The following DOCK11 variants were observed in gnomAD, a reference collection of about 807,000 sequenced individuals.
The protein encoded by DOCK11 is dedicator of cytokinesis 11.
In DOCK11, 70 loss-of-function variants were observed where a neutral mutation model predicts 169.1. That is an observed-to-expected ratio of 0.41 (90% CI 0.34 to 0.51). The LOEUF (loss-of-function observed/expected upper bound fraction) is 0.51. Among genes scored for constraint, DOCK11 ranks in the 20% least tolerant of loss-of-function variants. The pLI is 0.10. For synonymous variants in DOCK11, 529 were observed against 541.3 expected (o/e 0.98, Z 0.32); for missense variants, 1,166 against 1,538.8 (o/e 0.76, Z 4.05).
At position 118,599,210 on chromosome X, in the gene DOCK11, G is replaced by T. The variant is rs369485553; in HGVS notation, c.2544G>T (p.Glu848Asp). ...IQSGSKEVPG[E>D]LIKYLKCLHA... ...CAGGCTCGAAAGAAGTTCCAGGGGA[G>T]CTCATTAAATATTTAAAGGTAAATG... The change falls in exon 23 of 53, where the codon GAG becomes GAT. Residue 848 changes from glutamate to aspartate, a missense_variant. Coordinates refer to ENST00000276202, the MANE Select transcript of DOCK11 (RefSeq NM_144658.4). 24 of 1,205,159 alleles carry T rather than the reference G, an allele frequency of 2.0e-5. No individual in the cohort carries two copies. In the African/African-American group the frequency reaches 3.3e-4, roughly 17 times the overall value.
intron 24 of DOCK11, among the ~76,000 whole-genome samples, chrX:118,607,399 G>A (rs1288440875): frequency 1.1e-5 from 1 of 92,195 alleles, no homozygotes; most frequent in African/African-American, 4.0e-5. Context: ...ACAAGCATGA[G>A]CCACCGTGCC....
intron 44 of DOCK11, among the ~76,000 whole-genome samples, chrX:118,660,890 C>T (rs1272241093): frequency 9.0e-6 from 1 of 110,901 alleles, no homozygotes; most frequent in African/African-American, 3.3e-5. Context: ...ACTGACTACT[C>T]CCATGTATTT....
At position 118,674,200 on chromosome X, in the gene DOCK11, G is replaced by A. The variant is rs770402792; in HGVS notation, c.5200-1736G>A. ...GAATCTCACTCTGTCATCGAGGTTGGAGTACAATGGCATGATCTCAGCTCA... is the reference window on the plus strand; with the variant it reads ...GAATCTCACTCTGTCATCGAGGTTGAAGTACAATGGCATGATCTCAGCTCA... On this transcript the variant is annotated intron_variant, in intron 46 of 52. Coordinates refer to ENST00000276202, the MANE Select transcript of DOCK11 (RefSeq NM_144658.4). 1.5e-4 allele frequency among the ~76,000 whole-genome samples: 17 copies of A among 111,218 alleles called. No homozygotes were observed. The East Asian group carries it at 4.8e-3, about 31-fold the overall frequency.
intron 35 of DOCK11, among the ~76,000 whole-genome samples, chrX:118,632,186 C>G (rs1221574816): frequency 9.0e-6 from 1 of 111,604 alleles, no homozygotes; most frequent in African/African-American, 3.3e-5. Flanking sequence ...ATCTCCTGAC[C>G]TCGTGATCCG....
chrX:118,578,427 T>C (rs1011341375), intron 12 of DOCK11, 98 bp from the exon 13 acceptor site: 235 of 961,127 alleles, frequency 2.4e-4, no homozygotes, highest in Admixed American at 2.7e-4. Context: ...CATGATCCTT[T>C]GTTGAATATG....
intron 1 of DOCK11, among the ~76,000 whole-genome samples, chrX:118,496,912 C>T (rs1292938177): frequency 9.0e-6 from 1 of 111,216 alleles, no homozygotes; most frequent in African/African-American, 3.3e-5. Flanking sequence ...TTCGAAAGCG[C>T]GCTGACTCCC....
intron 23 of DOCK11, among the ~76,000 whole-genome samples, chrX:118,604,001 G>A (rs139024304): frequency 8.9e-6 from 1 of 112,042 alleles, no homozygotes; most frequent in East Asian, 2.8e-4. Context: ...CTCAATCTTC[G>A]CACTATTGAC....
At chrX:118,565,299 T>C (rs1204803585) in intron 7 of DOCK11, among the ~76,000 whole-genome samples, 2 of 111,802 alleles carry the variant, frequency 1.8e-5, no homozygotes, top group Non-Finnish European at 3.8e-5. Flanking sequence ...GTACATGTGA[T>C]AGTTTGATAC....
At chrX:118,543,620 G>T (rs773374937) in intron 4 of DOCK11, 27 bp downstream of exon 4, 7 of 1,138,100 alleles carry the variant, frequency 6.2e-6, no homozygotes, top group Non-Finnish European at 8.4e-6. Flanking sequence ...AGGGAAACAT[G>T]CAACAGGAGA....
chrX:118,592,140 A>T (rs1435972509), intron 19 of DOCK11, among the ~76,000 whole-genome samples: 1 of 110,305 alleles, frequency 9.1e-6, no homozygotes, highest in Non-Finnish European at 1.9e-5. Context: ...TCCTTTGGGT[A>T]TATACCCAGT....
At chrX:118,557,434 G>A (rs34725834) in intron 6 of DOCK11, among the ~76,000 whole-genome samples, 7,039 of 110,933 alleles carry the variant, frequency 0.063, 242 homozygotes, top group East Asian at 0.12. Context: ...TTGAGTAACA[G>A]CAGATAAGCC....
chrX:118,608,882 G>A (rs533911935), intron 26 of DOCK11, among the ~76,000 whole-genome samples: 15 of 111,509 alleles, frequency 1.3e-4, no homozygotes, highest in African/African-American at 3.6e-4. Flanking sequence ...TAGGCTGCAC[G>A]AATGTCACAT....
At chrX:118,646,691 A>G (rs2015680292) in intron 40 of DOCK11, among the ~76,000 whole-genome samples, 1 of 111,764 alleles carries the variant, frequency 8.9e-6, no homozygotes, top group Non-Finnish European at 1.9e-5. Context: ...GTTTATTTTC[A>G]TACCAGAGTA....
At chrX:118,598,495 C>G (rs910503491) in intron 22 of DOCK11, among the ~76,000 whole-genome samples, 1 of 111,218 alleles carries the variant, frequency 9.0e-6, no homozygotes, top group African/African-American at 3.3e-5. Flanking sequence ...TCACAGAACT[C>G]TGAAAGGAAT....
intron 45 of DOCK11, among the ~76,000 whole-genome samples, chrX:118,669,488 A>G (rs1569446195): frequency 2.7e-5 from 3 of 111,839 alleles, no homozygotes; most frequent in African/African-American, 6.5e-5. Flanking sequence ...TTCCTAGTTC[A>G]TAGATGGTAT....
At position 118,497,270 on chromosome X, in the gene DOCK11, T is replaced by G. The variant is rs1054639486; in HGVS notation, c.102+1197T>G. On this transcript the variant is annotated intron_variant, in intron 1 of 52. Transcript: ENST00000276202. ...ACAGCTTTTCCTTGTAATTTTTCTG[T>G]TGATCTTGTAGAATCAGCAATAAAA... is the stretch of plus-strand genomic sequence containing the variant. Among the ~76,000 whole-genome samples, 4 of 110,918 alleles carry G rather than the reference T, an allele frequency of 3.6e-5. No individual in the cohort carries two copies. In the East Asian group the frequency reaches 1.1e-3, roughly 31 times the overall value.
At chrX:118,606,877 A>G (rs1214078714) in intron 24 of DOCK11, among the ~76,000 whole-genome samples, 1 of 110,954 alleles carries the variant, frequency 9.0e-6, no homozygotes, top group African/African-American at 3.3e-5. Flanking sequence ...ATCTATTAAA[A>G]GGGCCCACCA....
intron 1 of DOCK11, among the ~76,000 whole-genome samples, chrX:118,529,054 G>A (rs1360321296): frequency 1.8e-5 from 2 of 108,616 alleles, no homozygotes. Flanking sequence ...CGCGATCTCG[G>A]CTCACTGCAA....
intron 6 of DOCK11, among the ~76,000 whole-genome samples, chrX:118,550,202 G>A (rs1227716002): frequency 8.9e-6 from 1 of 111,754 alleles, no homozygotes; most frequent in Non-Finnish European, 1.9e-5. Flanking sequence ...AGTTTGGGAA[G>A]CCAATATGGG....
Sources: allele counts gnomAD v4.1 joint callset (sites outside exome capture counted in the v4.1 genomes callset), GRCh38; gene constraint gnomAD v4.1.1; transcripts MANE v1.5; gene names NCBI Gene and HGNC (gene_info 2026-07-23, HGNC 2026-07-21).